Variants in STX12 observed in about 807,000 individuals in gnomAD.
STX12 encodes syntaxin 12.
A neutral mutation model predicts 42.2 loss-of-function variants in STX12; 17 were observed. The ratio of observed to expected loss-of-function variants is 0.40; its 90% confidence interval spans 0.28 to 0.60. The LOEUF is 0.60. Among genes scored for constraint, STX12 ranks in the 20% least tolerant of loss-of-function variants. STX12 has a pLI of 0.39. For synonymous variants in STX12, 108 were observed against 116.7 expected (o/e 0.93, Z 0.48); for missense variants, 297 against 330.9 (o/e 0.90, Z 0.79).
In STX12 at chr1:27,773,230, C is replaced by T. The variant is rs900998211; in HGVS notation, c.-78C>T. ...CCGCCCTTGCTCTTCCCAGTTTCTC[C>T]GTCAGCCTGCGGGTCCCGGCTGGCG... On this transcript the variant is annotated 5_prime_UTR_variant, in exon 1 of 9. Transcript: ENST00000373943. 14 of 935,312 alleles carry T rather than the reference C, an allele frequency of 1.5e-5. No homozygotes were observed. Among genetic ancestry groups the T allele is most frequent in the Admixed American group, 2.3e-5 (1 of 43,528 alleles). The allele number at this position is 935,312 out of a possible 1,614,324, so 57.9% of individuals were successfully genotyped here. A position where few individuals can be genotyped will look rare whatever the true frequency, so the allele number is the denominator to read the frequency against.
At chr1:27,820,877 A>T (rs1202934720) in intron 8 of STX12, among the ~76,000 whole-genome samples, 3 of 152,172 alleles carry the variant, frequency 2.0e-5, no homozygotes, top group African/African-American at 7.2e-5. Context: ...CTTTGTAGGG[A>T]CATGGATGAA....
chr1:27,811,646 G>A (rs923550161), intron 5 of STX12, among the ~76,000 whole-genome samples: 4 of 151,848 alleles, frequency 2.6e-5, no homozygotes, highest in African/African-American at 7.2e-5. Context: ...CTGTTAAGAG[G>A]TATTTAACCC....
intron 4 of STX12, among the ~76,000 whole-genome samples, chr1:27,802,857 T>G (rs1160673488): frequency 6.6e-6 from 1 of 152,158 alleles, no homozygotes; most frequent in Non-Finnish European, 1.5e-5. Context: ...ACAACTATAC[T>G]TATTGTGTTT....
At chr1:27,775,712 A>G (rs1208084207) in intron 1 of STX12, among the ~76,000 whole-genome samples, 2 of 152,238 alleles carry the variant, frequency 1.3e-5, no homozygotes, top group African/African-American at 4.8e-5. Flanking sequence ...ACATGCAGGT[A>G]TTCTGGGAAG....
chr1:27,816,388 C>T (rs1272857863), intron 6 of STX12, among the ~76,000 whole-genome samples: 1 of 151,730 alleles, frequency 6.6e-6, no homozygotes, highest in Non-Finnish European at 1.5e-5. Context: ...GCAGGAGAAT[C>T]ACTCAAACCC....
intron 1 of STX12, among the ~76,000 whole-genome samples, chr1:27,776,246 A>C (rs906885657): frequency 6.6e-5 from 10 of 152,316 alleles, no homozygotes; most frequent in East Asian, 3.9e-4. Flanking sequence ...AGTGCTTTAC[A>C]TACATTATCT....
intron 3 of STX12, among the ~76,000 whole-genome samples, chr1:27,797,607 T>C (rs533253125): frequency 6.6e-6 from 1 of 152,238 alleles, no homozygotes; most frequent in South Asian, 2.1e-4. Context: ...CCTTTCACCT[T>C]TATGATCATG....
At chr1:27,783,726 G>A (rs1041624629) in intron 1 of STX12, among the ~76,000 whole-genome samples, 2 of 152,144 alleles carry the variant, frequency 1.3e-5, no homozygotes, top group Non-Finnish European at 2.9e-5. Context: ...CTAGGATTAT[G>A]TAACATTTCA....
intron 1 of STX12, among the ~76,000 whole-genome samples, chr1:27,783,871 A>G (rs2088683500): frequency 6.6e-6 from 1 of 152,088 alleles, no homozygotes; most frequent in East Asian, 1.9e-4. Context: ...TCATCCTGGT[A>G]AAAATATTTC....
At chr1:27,777,516 T>C (rs1438542826) in intron 1 of STX12, among the ~76,000 whole-genome samples, 1 of 152,136 alleles carries the variant, frequency 6.6e-6, no homozygotes, top group East Asian at 1.9e-4. Flanking sequence ...TTTCTACCAT[T>C]TTGGAACTCT....
intron 4 of STX12, among the ~76,000 whole-genome samples, chr1:27,805,064 G>T (rs2088854366): frequency 6.6e-6 from 1 of 152,038 alleles, no homozygotes; most frequent in Non-Finnish European, 1.5e-5. Flanking sequence ...ACTATCACGA[G>T]AACAACAAGG....
At chr1:27,802,654 A>G (rs1425758190) in intron 4 of STX12, among the ~76,000 whole-genome samples, 2 of 152,198 alleles carry the variant, frequency 1.3e-5, no homozygotes, top group Non-Finnish European at 2.9e-5. Context: ...AGCAAACACA[A>G]ATTCCTTCTG....
chr1:27,819,558 G>C, intron 7 of STX12, 92 bp from the exon 8 acceptor site: 1 of 1,100,484 alleles, frequency 9.1e-7, no homozygotes, highest in Non-Finnish European at 1.3e-6. Flanking sequence ...TAGTGGTAGT[G>C]AAACCAGGAC....
chr1:27,819,794 A>C, intron 8 of STX12, 62 bp downstream of exon 8: 1 of 1,409,302 alleles, frequency 7.1e-7, no homozygotes, highest in South Asian at 1.2e-5. Flanking sequence ...ATCAGAGTAC[A>C]TTGACATATT....
intron 3 of STX12, among the ~76,000 whole-genome samples, chr1:27,793,995 T>G (rs2088767286): frequency 1.9e-5 from 2 of 103,466 alleles, no homozygotes; most frequent in South Asian, 5.5e-4. Flanking sequence ...TTTCTCCTAG[T>G]TTTTTTTTTT....
intron 7 of STX12, 108 bp downstream of exon 7, chr1:27,818,031 T>C: frequency 1.2e-6 from 1 of 845,098 alleles, no homozygotes; most frequent in Non-Finnish European, 1.9e-6. Flanking sequence ...TCTAGGAGTT[T>C]GAAGCCAACC....
chr1:27,800,025 G>A (rs1406666386), intron 3 of STX12, among the ~76,000 whole-genome samples: 1 of 152,240 alleles, frequency 6.6e-6, no homozygotes, highest in Non-Finnish European at 1.5e-5. Flanking sequence ...AAAGTGCTGG[G>A]ATTACAGGCA....
intron 8 of STX12, 165 bp downstream of exon 8, chr1:27,819,897 T>A: frequency 3.6e-6 from 2 of 555,576 alleles, no homozygotes; most frequent in Non-Finnish European, 6.4e-6. Flanking sequence ...CCTTTGCAGA[T>A]AGATCTACAA....
intron 4 of STX12, among the ~76,000 whole-genome samples, chr1:27,808,099 G>A (rs1417272305): frequency 6.6e-6 from 1 of 152,084 alleles, no homozygotes; most frequent in Non-Finnish European, 1.5e-5. Context: ...AAGGGCACAT[G>A]AGTAGGCTTT....
Sources: allele counts gnomAD v4.1 joint callset (sites outside exome capture counted in the v4.1 genomes callset), GRCh38; gene constraint gnomAD v4.1.1; transcripts MANE v1.5; gene names NCBI Gene and HGNC (gene_info 2026-07-23, HGNC 2026-07-21).